MORN4: variants seen among roughly 807,000 people sequenced by gnomAD.
MORN4 encodes the protein MORN repeat-containing protein 4.
Under a neutral mutation model 16.4 loss-of-function variants are expected in MORN4, and 8 were observed. That is an observed-to-expected ratio of 0.49 (90% CI 0.29 to 0.88). MORN4 has a LOEUF of 0.88. Among genes scored for constraint, MORN4 ranks in the 40% least tolerant of loss-of-function variants. MORN4 has a pLI of 0.09. For missense variants in MORN4, 159 were observed against 182.9 expected, an observed-to-expected ratio of 0.87 and a Z score of 0.75; for synonymous variants, 53 against 68.9, an observed-to-expected ratio of 0.77 and a Z score of 1.14.
At chr10:97,629,814 A>C (rs778074649) in intron 1 of MORN4, among the ~76,000 whole-genome samples, 12 of 151,940 alleles carry the variant, frequency 7.9e-5, no homozygotes, top group Non-Finnish European at 1.6e-4. Context: ...GGTGGAGTAC[A>C]GTGGTGTGAT....
chr10:97,625,230 C>T (rs1012658911), intron 1 of MORN4, among the ~76,000 whole-genome samples: 2 of 152,208 alleles, frequency 1.3e-5, no homozygotes, highest in East Asian at 3.8e-4. Flanking sequence ...CCATACTATC[C>T]TATCTGGCCT....
intron 3 of MORN4, 38 bp downstream of exon 3, chr10:97,617,170 C>T: frequency 3.9e-6 from 6 of 1,524,320 alleles, no homozygotes; most frequent in Non-Finnish European, 5.5e-6. Context: ...CAGACCCTCC[C>T]TTATTTAAGG....
At chr10:97,620,659 G>C (rs955997635) in intron 1 of MORN4, among the ~76,000 whole-genome samples, 33 of 152,022 alleles carry the variant, frequency 2.2e-4, no homozygotes, top group African/African-American at 7.2e-4. Flanking sequence ...ATAAGCCTGT[G>C]TAGGTACATG....
chr10:97,630,117 C>T (rs547545516), intron 1 of MORN4, among the ~76,000 whole-genome samples: 12 of 152,056 alleles, frequency 7.9e-5, no homozygotes, highest in Admixed American at 2.6e-4. Flanking sequence ...TTAGTGGAGA[C>T]GGGGTTTCAC....
At chr10:97,617,858 C>CA (rs2041250517) in intron 2 of MORN4, among the ~76,000 whole-genome samples, 1 of 151,264 alleles carries the variant, frequency 6.6e-6, no homozygotes, top group African/African-American at 2.4e-5. Flanking sequence ...GACTCCGTCT[C>CA]AAAAAACAAA....
chr10:97,619,826 T>C, intron 1 of MORN4, 143 bp from the exon 2 acceptor site: 1 of 594,282 alleles, frequency 1.7e-6, no homozygotes. Flanking sequence ...AATACCCCTA[T>C]CTCCAACCAC....
At chr10:97,628,643 C>A (rs185610740) in intron 1 of MORN4, among the ~76,000 whole-genome samples, 3 of 152,138 alleles carry the variant, frequency 2.0e-5, no homozygotes, top group Admixed American at 2.0e-4. Context: ...AAGAGATTCT[C>A]GTGCCTCAGC....
At chr10:97,633,719 A>G, upstream of MORN4, 2 of 1,134,408 alleles carry the variant, frequency 1.8e-6, no homozygotes, top group South Asian at 1.6e-5. This position sits in a 1 kb window ranked among gnomAD's most constrained non-coding sequence, Gnocchi z 4.5. Context: ...TGAAATGGCA[A>G]CCCCAAAGAA....
At chr10:97,626,211 T>C (rs1281639366) in intron 1 of MORN4, among the ~76,000 whole-genome samples, 1 of 151,584 alleles carries the variant, frequency 6.6e-6, no homozygotes, top group Non-Finnish European at 1.5e-5. Flanking sequence ...GCCCTGTCTT[T>C]ACTAAAAACA....
chr10:97,623,423 G>A (rs1445732343), intron 1 of MORN4, among the ~76,000 whole-genome samples: 1 of 152,086 alleles, frequency 6.6e-6, no homozygotes, highest in African/African-American at 2.4e-5. Context: ...CTGGGTGACA[G>A]AGCGAGACCC....
At chr10:97,624,415 ATTTGT>A (rs1488009590) in intron 1 of MORN4, among the ~76,000 whole-genome samples, 3 of 151,922 alleles carry the variant, frequency 2.0e-5, no homozygotes, top group Non-Finnish European at 2.9e-5. Flanking sequence ...AGTGTTGTTT[ATTTGT>A]TTTGTTTTAA....
chr10:97,622,277 T>C (rs2041304005), intron 1 of MORN4, among the ~76,000 whole-genome samples: 1 of 152,050 alleles, frequency 6.6e-6, no homozygotes, highest in South Asian at 2.1e-4. Flanking sequence ...GATCACAGTA[T>C]AATGGGAGCA....
rs934378108 is a variant in MORN4, at chr10:97,633,248, C to G, written c.-31+99G>C. 9.0e-6 allele frequency: 11 copies of G among 1,222,076 alleles called. No individual in the cohort carries two copies. In the Admixed American group the frequency reaches 1.8e-4, roughly 20 times the overall value. 75.7% of individuals were successfully genotyped at this position (1,222,076 alleles called of 1,614,324 possible). A position where few individuals can be genotyped will look rare whatever the true frequency, so the allele number is the denominator to read the frequency against. On this transcript the variant is annotated intron_variant, in intron 1 of 4. Coordinates refer to ENST00000307450, the MANE Select transcript of MORN4 (RefSeq NM_178832.4). The surrounding 1 kb of genome is among the most constrained non-coding windows in gnomAD (Gnocchi z 4.5). ...CAGGTCAGCGTATCCGAGGTGGAGC[C>G]GCGCCCCCGAGCCGGGTCATCTCGT...
In MORN4 at chr10:97,633,354, C is replaced by T; in HGVS notation, c.-38G>A. On this transcript the variant is annotated 5_prime_UTR_variant, in exon 1 of 5. Transcript: ENST00000307450. The surrounding 1 kb of genome is among the most constrained non-coding windows in gnomAD (Gnocchi z 4.5). ...CCTGCGCCTCCAGCCAACCTGGGGC[C>T]GGCCTTTCGGGATGACCGTCACGCC... The T allele has an allele frequency of 7.8e-7, 1 of 1,289,806 alleles. No individual in the cohort carries two copies. Among genetic ancestry groups the T allele is most frequent in the South Asian group, 1.2e-5 (1 of 81,010 alleles). The allele number at this position is 1,289,806 out of a possible 1,614,324, so 79.9% of individuals were successfully genotyped here. A position where few individuals can be genotyped will look rare whatever the true frequency, so the allele number is the denominator to read the frequency against.
rs1024380364 is a variant in MORN4 at position 97,633,136 on chromosome 10, C to T, written c.-31+211G>A. ...CAACCCTCCACCCTCTGCTCGCTAA[C>T]CCCAGTCCAGTCAGCTCTCCCGGGC... On this transcript the variant is annotated intron_variant, in intron 1 of 4. Coordinates refer to ENST00000307450, the MANE Select transcript of MORN4 (RefSeq NM_178832.4). The surrounding 1 kb of genome is among the most constrained non-coding windows in gnomAD (Gnocchi z 4.5). Among the ~76,000 whole-genome samples, 2 of 152,200 alleles carry T rather than the reference C, an allele frequency of 1.3e-5. No individual in the cohort carries two copies. Among genetic ancestry groups the T allele is most frequent in the African/African-American group, 4.8e-5 (2 of 41,452 alleles).
intron 1 of MORN4, among the ~76,000 whole-genome samples, chr10:97,623,417 G>T (rs2041320977): frequency 6.6e-6 from 1 of 152,044 alleles, no homozygotes; most frequent in African/African-American, 2.4e-5. Flanking sequence ...TACAGCCTGG[G>T]TGACAGAGCG....
At chr10:97,623,678 G>C in intron 1 of MORN4, among the ~76,000 whole-genome samples, 1 of 151,934 alleles carries the variant, frequency 6.6e-6, no homozygotes, top group East Asian at 1.9e-4. Context: ...CTTCTGAGTA[G>C]CTGGAACTAC....
At chr10:97,630,756 C>T (rs1183144131) in intron 1 of MORN4, among the ~76,000 whole-genome samples, 2 of 152,220 alleles carry the variant, frequency 1.3e-5, no homozygotes, top group African/African-American at 4.8e-5. Context: ...AATAGCTTTA[C>T]AGCTACTGAC....
chr10:97,631,714 G>T (rs10882971), intron 1 of MORN4, among the ~76,000 whole-genome samples: 27,694 of 151,708 alleles, frequency 0.18, 2,638 homozygotes, highest in Non-Finnish European at 0.21. Context: ...CAAGAGGATC[G>T]CTTGAGCCCA....
Sources: allele counts gnomAD v4.1 joint callset (sites outside exome capture counted in the v4.1 genomes callset), GRCh38; gene constraint gnomAD v4.1.1; non-coding constraint Gnocchi (gnomAD v3.1); transcripts MANE v1.5; gene names NCBI Gene and HGNC (gene_info 2026-07-23, HGNC 2026-07-21).